LRP1B: variants seen among roughly 807,000 people sequenced by gnomAD.
LRP1B encodes the protein LDL receptor related protein 1B, also known as low-density lipoprotein receptor-related protein 1B.
LRP1B carries 217 observed loss-of-function variants against 556.6 expected under a neutral mutation model. The observed-to-expected ratio is 0.39, with a 90% CI of 0.35 to 0.44. LRP1B has a LOEUF of 0.44. LRP1B is among the 20% of genes least tolerant of loss of function. The probability of loss-of-function intolerance (pLI) is 1.00; values close to 1 mark genes in which losing one functional copy is unlikely to be tolerated. For synonymous variants in LRP1B, 2,047 were observed against 1,865.8 expected (o/e 1.10, Z -2.50); for missense variants, 5,053 against 5,620.8 (o/e 0.90, Z 3.23).
intron 7 of LRP1B, among the ~76,000 whole-genome samples, chr2:141,063,614 G>A (rs1031810472): frequency 3.3e-5 from 5 of 151,626 alleles, no homozygotes; most frequent in Admixed American, 2.6e-4. Context: ...TGGTATGCAC[G>A]CGTTCCCTCT....
intron 1 of LRP1B, among the ~76,000 whole-genome samples, chr2:141,896,192 T>C (rs879670242): frequency 2.7e-4 from 41 of 152,306 alleles, no homozygotes; most frequent in Non-Finnish European, 4.4e-4. Flanking sequence ...GAATAATATA[T>C]AGAAAGTCTC....
At chr2:142,110,502 AAGTAG>A (rs1392229495) in intron 1 of LRP1B, among the ~76,000 whole-genome samples, 7 of 152,134 alleles carry the variant, frequency 4.6e-5, no homozygotes, top group African/African-American at 1.7e-4. Context: ...ATAAGTTAAT[AAGTAG>A]TGGGAGAAAC....
At chr2:141,057,907 C>T (rs1699225262) in intron 9 of LRP1B, among the ~76,000 whole-genome samples, 1 of 151,842 alleles carries the variant, frequency 6.6e-6, no homozygotes, top group East Asian at 1.9e-4. Context: ...AGACTGCTCC[C>T]ATTTCTGACA....
At chr2:140,263,917 G>T (rs1301176478) in intron 86 of LRP1B, among the ~76,000 whole-genome samples, 3 of 151,538 alleles carry the variant, frequency 2.0e-5, no homozygotes, top group East Asian at 1.9e-4. Context: ...CACAATTCTG[G>T]TATCGAAATA....
chr2:141,635,118 CA>C (rs1372984771), intron 2 of LRP1B, among the ~76,000 whole-genome samples: 1 of 150,558 alleles, frequency 6.6e-6, no homozygotes, highest in African/African-American at 2.5e-5. Context: ...CAAAGCACCT[CA>C]ACCCTGCAAA....
At chr2:142,041,054 A>C (rs1289415794) in intron 1 of LRP1B, among the ~76,000 whole-genome samples, 5 of 151,450 alleles carry the variant, frequency 3.3e-5, no homozygotes, top group African/African-American at 1.2e-4. Flanking sequence ...ACTTCTACTG[A>C]GGTATTTCCT....
At chr2:140,273,052 A>G (rs1288302315) in intron 85 of LRP1B, among the ~76,000 whole-genome samples, 1 of 151,872 alleles carries the variant, frequency 6.6e-6, no homozygotes, top group South Asian at 2.1e-4. Flanking sequence ...TTCCTTACAT[A>G]AAGGGAAGAG....
chr2:141,967,734 T>C (rs1248947511), intron 1 of LRP1B, among the ~76,000 whole-genome samples: 2 of 151,850 alleles, frequency 1.3e-5, no homozygotes, highest in African/African-American at 4.8e-5. Context: ...CACCTTCTGC[T>C]TAAAGAGAAG....
At chr2:140,568,445 GA>G (rs1258178752) in intron 43 of LRP1B, among the ~76,000 whole-genome samples, 6 of 151,534 alleles carry the variant, frequency 4.0e-5, no homozygotes, top group Non-Finnish European at 7.4e-5. Context: ...AGAGAAAGAA[GA>G]AATAATGAAA....
chr2:141,547,848 C>A (rs1685608033), intron 2 of LRP1B, among the ~76,000 whole-genome samples: 1 of 151,276 alleles, frequency 6.6e-6, no homozygotes, highest in Admixed American at 6.6e-5. Context: ...AAAAGGTGGG[C>A]CTTATTGTCT....
intron 3 of LRP1B, among the ~76,000 whole-genome samples, chr2:141,341,266 CT>C (rs1559016961): frequency 1.3e-5 from 2 of 151,974 alleles, no homozygotes; most frequent in East Asian, 3.9e-4. Context: ...CATCTGAATA[CT>C]GAATGTCATA....
In LRP1B at chr2:141,015,711, A is replaced by G. The variant is rs1437229592; in HGVS notation, c.2175T>C (p.Asn725=). 2 of 1,612,458 alleles carry G rather than the reference A, an allele frequency of 1.2e-6. No individual in the cohort carries two copies. Among genetic ancestry groups the G allele is most frequent in the African/African-American group, 1.3e-5 (1 of 74,992 alleles). The change falls in exon 13 of 91, where the codon AAT becomes AAC. Residue 725 remains asparagine (N), a synonymous_variant. Transcript: ENST00000389484. ...YYDHIEKVFL[N]GTHRKIVYSG... ...TGTCTTTTACCTTCCTGTGAGTCCC[A>G]TTCAAAAATACTTTTTCAATATGAT... is the stretch of plus-strand genomic sequence containing the variant.
At position 140,716,770 on chromosome 2, in the gene LRP1B, G is replaced by C. The variant is rs1360913605; in HGVS notation, c.5805C>G (p.Ser1935Arg). The C allele has an allele frequency of 6.2e-7, 1 of 1,609,070 alleles. No homozygotes were observed. The highest frequency in any genetic ancestry group is 8.5e-7 in the Non-Finnish European group (1 of 1,176,284). The change falls in exon 36 of 91, where the codon AGC becomes AGG. Residue 1935 changes from serine (S) to arginine (R), a missense_variant. Around this residue, in one of 5 missense-constraint regions of LRP1B, gnomAD observed 3,619 missense variants for 3,931.9 expected, o/e 0.92. Transcript: ENST00000389484. ...YWTDMGFNKI[S>R]RAKRDQTWKE... Reference sequence around the variant, plus strand: ...TCCAAGTCTGATCTCTTTTAGCTCTGCTAATTTTATTGAAGCCCATGTCTG... The same window carrying C: ...TCCAAGTCTGATCTCTTTTAGCTCTCCTAATTTTATTGAAGCCCATGTCTG...
At chr2:140,767,848 A>T (rs560240727) in intron 35 of LRP1B, among the ~76,000 whole-genome samples, 3 of 151,838 alleles carry the variant, frequency 2.0e-5, no homozygotes, top group Non-Finnish European at 4.4e-5. Flanking sequence ...ACCTAGTAAA[A>T]ATACATGCAT....
At chr2:141,435,142 A>G (rs1226880545) in intron 3 of LRP1B, among the ~76,000 whole-genome samples, 1 of 152,124 alleles carries the variant, frequency 6.6e-6, no homozygotes, top group Non-Finnish European at 1.5e-5. Flanking sequence ...TTTATTTTTA[A>G]GCCTGGCTTG....
intron 72 of LRP1B, among the ~76,000 whole-genome samples, chr2:140,363,217 T>G (rs1471331305): frequency 6.6e-6 from 1 of 151,622 alleles, no homozygotes; most frequent in Non-Finnish European, 1.5e-5. Context: ...TTGTCCTAAT[T>G]AGCACAATTT....
At chr2:141,300,055 T>A (rs1686328759) in intron 3 of LRP1B, among the ~76,000 whole-genome samples, 1 of 152,224 alleles carries the variant, frequency 6.6e-6, no homozygotes, top group African/African-American at 2.4e-5. Flanking sequence ...GAGCTCTCTT[T>A]ATCCGTCTTT....
intron 1 of LRP1B, among the ~76,000 whole-genome samples, chr2:142,069,030 C>T (rs1705215353): frequency 1.3e-5 from 2 of 151,390 alleles, no homozygotes; most frequent in African/African-American, 4.8e-5. Context: ...CTCCCTCTCT[C>T]TGTCTCTCCT....
chr2:140,564,346 A>G (rs1681048198), intron 43 of LRP1B, among the ~76,000 whole-genome samples: 1 of 152,152 alleles, frequency 6.6e-6, no homozygotes, highest in Non-Finnish European at 1.5e-5. Context: ...TCCACATACA[A>G]TAACAAAAAC....
Sources: allele counts gnomAD v4.1 joint callset (sites outside exome capture counted in the v4.1 genomes callset), GRCh38; gene constraint gnomAD v4.1.1; regional missense constraint gnomAD v4.1.1; transcripts MANE v1.5; gene names NCBI Gene and HGNC (gene_info 2026-07-23, HGNC 2026-07-21).